The following DNAJC1 variants were observed in gnomAD, a reference collection of about 807,000 sequenced individuals.
DNAJC1 encodes dnaJ homolog subfamily C member 1.
Under a neutral mutation model 76.6 loss-of-function variants are expected in DNAJC1, and 58 were observed. The observed-to-expected ratio is 0.76, with a 90% CI of 0.61 to 0.94. The LOEUF is 0.94. Among genes scored for constraint, DNAJC1 ranks in the 40% least tolerant of loss-of-function variants. The pLI, the probability that DNAJC1 is intolerant of heterozygous loss-of-function variation, is 0.00. For missense variants in DNAJC1, 689 were observed against 677.3 expected (o/e 1.02, Z -0.19); for synonymous variants, 258 against 267.9 (o/e 0.96, Z 0.36).
intron 8 of DNAJC1, among the ~76,000 whole-genome samples, chr10:21,843,842 C>T (rs940804491): frequency 6.6e-6 from 1 of 151,644 alleles, no homozygotes; most frequent in African/African-American, 2.4e-5. Context: ...TGGGTTCATG[C>T]AATTCTTGTG....
intron 7 of DNAJC1, among the ~76,000 whole-genome samples, chr10:21,898,463 A>C (rs1014407270): frequency 2.6e-5 from 4 of 152,188 alleles, no homozygotes; most frequent in African/African-American, 9.6e-5. Context: ...AGTTATATAA[A>C]AGTATAGCAC....
intron 8 of DNAJC1, among the ~76,000 whole-genome samples, chr10:21,839,930 T>C (rs1322828357): frequency 6.6e-6 from 1 of 152,220 alleles, no homozygotes. Flanking sequence ...ATCCCTGGGA[T>C]GCAAGGCTGG....
chr10:21,808,267 T>C (rs2076587511), intron 8 of DNAJC1, among the ~76,000 whole-genome samples: 1 of 152,186 alleles, frequency 6.6e-6, no homozygotes, highest in Non-Finnish European at 1.5e-5. Flanking sequence ...TTTAAAATAA[T>C]TTCTATTTTT....
intron 9 of DNAJC1, among the ~76,000 whole-genome samples, chr10:21,768,365 G>C (rs554467928): frequency 6.6e-6 from 1 of 152,278 alleles, no homozygotes; most frequent in South Asian, 2.1e-4. Flanking sequence ...ATTAAGAGCC[G>C]AGAGTCAGGC....
chr10:21,924,393 A>C (rs1837087595), intron 3 of DNAJC1, among the ~76,000 whole-genome samples: 1 of 152,238 alleles, frequency 6.6e-6, no homozygotes, highest in Admixed American at 6.5e-5. Flanking sequence ...AAATATAGTA[A>C]CATGAAACAG....
chr10:21,868,252 G>A (rs1759834338), intron 8 of DNAJC1, among the ~76,000 whole-genome samples: 1 of 150,840 alleles, frequency 6.6e-6, no homozygotes, highest in Non-Finnish European at 1.5e-5. Flanking sequence ...AGCCTCCCGA[G>A]TAGCTGGGCT....
chr10:21,804,069 A>ATAT, intron 9 of DNAJC1: 7 of 551,090 alleles, frequency 1.3e-5, no homozygotes, highest in East Asian at 1.5e-4. Context: ...CTACTCTAGT[A>ATAT]AATTAAGTAT....
In DNAJC1 at chr10:21,859,195, T is replaced by TA. The variant is rs1306668490; in HGVS notation, c.978+23086dup. ...GACTCTTCCAAGAACTTAAGAAGGT[T>TA]AAGAAGTTCCTTCTTAAGGGAATAG... On this transcript the variant is annotated intron_variant, in intron 8 of 11. Transcript: ENST00000376980. Among the ~76,000 whole-genome samples, 4 of 152,304 alleles carry TA rather than the reference T, an allele frequency of 2.6e-5. No individual in the cohort carries two copies. In the East Asian group the frequency reaches 7.7e-4, roughly 29 times the overall value.
intron 1 of DNAJC1, among the ~76,000 whole-genome samples, chr10:21,932,241 G>A (rs1270194728): frequency 6.6e-6 from 1 of 152,138 alleles, no homozygotes; most frequent in Admixed American, 6.5e-5. Context: ...TTGGGAGGCT[G>A]AGGTGGGGGT....
At chr10:21,990,845 A>T (rs988450182) in intron 1 of DNAJC1, among the ~76,000 whole-genome samples, 1 of 152,238 alleles carries the variant, frequency 6.6e-6, no homozygotes, top group Non-Finnish European at 1.5e-5. Context: ...AAGTATGTGT[A>T]AGAACTGTCA....
chr10:21,761,568 T>C (rs979519738), intron 10 of DNAJC1, among the ~76,000 whole-genome samples: 1 of 130,014 alleles, frequency 7.7e-6, no homozygotes, highest in Non-Finnish European at 1.7e-5. Flanking sequence ...AAAAAAAAAA[T>C]CTAGATATAA....
At chr10:21,959,935 TC>T (rs1837759278) in intron 1 of DNAJC1, among the ~76,000 whole-genome samples, 1 of 152,130 alleles carries the variant, frequency 6.6e-6, no homozygotes, top group Non-Finnish European at 1.5e-5. Context: ...CAGTCCACAT[TC>T]AATTCATTAA....
chr10:21,988,137 T>G (rs1045604938), intron 1 of DNAJC1, among the ~76,000 whole-genome samples: 43 of 152,270 alleles, frequency 2.8e-4, no homozygotes, highest in Admixed American at 7.8e-4. Context: ...ACTAATGAAT[T>G]AACAAACATG....
chr10:21,824,923 C>T (rs1291463345), intron 8 of DNAJC1, among the ~76,000 whole-genome samples: 1 of 151,990 alleles, frequency 6.6e-6, no homozygotes, highest in African/African-American at 2.4e-5. Context: ...TATAGGTGCC[C>T]ACCACCATGC....
intron 6 of DNAJC1, among the ~76,000 whole-genome samples, chr10:21,906,951 A>G (rs538098820): frequency 3.9e-5 from 6 of 152,298 alleles, no homozygotes; most frequent in East Asian, 1.9e-4. Flanking sequence ...TTTGTGCTTC[A>G]TACTTCACCA....
chr10:21,955,199 G>T (rs190628873), intron 1 of DNAJC1, among the ~76,000 whole-genome samples: 37 of 152,286 alleles, frequency 2.4e-4, no homozygotes, highest in Middle Eastern at 6.8e-3. Context: ...TTATAACATT[G>T]CAGGAACAAA....
At chr10:21,880,541 C>T (rs1218334528) in intron 8 of DNAJC1, among the ~76,000 whole-genome samples, 3 of 152,090 alleles carry the variant, frequency 2.0e-5, no homozygotes, top group African/African-American at 7.2e-5. Context: ...AGACAATGTT[C>T]ATCTCCTTTC....
At chr10:21,883,028 T>A (rs1401308532) in intron 7 of DNAJC1, among the ~76,000 whole-genome samples, 1 of 152,014 alleles carries the variant, frequency 6.6e-6, no homozygotes, top group East Asian at 1.9e-4. Context: ...GGCAGGTGCA[T>A]CACTGGAGGC....
chr10:21,778,232 A>G (rs1046050027), intron 9 of DNAJC1, among the ~76,000 whole-genome samples: 1 of 152,144 alleles, frequency 6.6e-6, no homozygotes, highest in Non-Finnish European at 1.5e-5. Flanking sequence ...AGATGAGAAA[A>G]CTGACTGAAG....
Sources: allele counts gnomAD v4.1 joint callset (sites outside exome capture counted in the v4.1 genomes callset), GRCh38; gene constraint gnomAD v4.1.1; transcripts MANE v1.5; gene names NCBI Gene and HGNC (gene_info 2026-07-23, HGNC 2026-07-21).